CRACR2A: variants seen among roughly 807,000 people sequenced by gnomAD.
The protein encoded by CRACR2A is calcium release activated channel regulator 2A.
CRACR2A carries 79 observed loss-of-function variants against 90.5 expected under a neutral mutation model. That is an observed-to-expected ratio of 0.87 (90% CI 0.73 to 1.05). The LOEUF (loss-of-function observed/expected upper bound fraction) is 1.05, where lower values mean the gene tolerates loss of function less well. Among genes scored for constraint, CRACR2A ranks in the 50% least tolerant of loss-of-function variants. The pLI is 0.00. For missense variants in CRACR2A, 823 were observed against 897.2 expected (o/e 0.92, Z 1.06); for synonymous variants, 338 against 356.7 (o/e 0.95, Z 0.59).
At chr12:3,623,782 G>A (rs1944201536) in intron 17 of CRACR2A, among the ~76,000 whole-genome samples, 1 of 152,188 alleles carries the variant, frequency 6.6e-6, no homozygotes, top group Non-Finnish European at 1.5e-5. Flanking sequence ...AAGTTGCCTA[G>A]ACTGGGTGAA....
At position 3,641,757 on chromosome 12, in the gene CRACR2A, C is replaced by T. The variant is rs1341798455; in HGVS notation, c.1246G>A (p.Val416Met). The T allele has an allele frequency of 6.4e-7, 1 of 1,551,710 alleles. No homozygotes were observed. Among genetic ancestry groups the T allele is most frequent in the East Asian group, 2.4e-5 (1 of 40,914 alleles). The change falls in exon 13 of 20, where the codon GTG becomes ATG. Residue 416 changes from valine to methionine, a missense_variant. By Grantham distance (21) the Val-to-Met change is conservative. Transcript: ENST00000440314. ...CTCCTAAGAATCCCTCTGCTGTCCA[C>T]ATATTTGCCTATCACAGAGCCAGAT... is the stretch of plus-strand genomic sequence containing the variant. ...KRSGSVIGKY[V>M]DSRGILRSQS... is the part of the protein sequence containing the mutation.
Position 3,654,222 on chromosome 12 carries a change from C to T in CRACR2A, c.1036G>A (p.Glu346Lys). 6.2e-7 allele frequency: 1 copy of T among 1,612,460 alleles called. No homozygotes were observed. The highest frequency in any genetic ancestry group is 8.5e-7 in the Non-Finnish European group (1 of 1,179,510). The change falls in exon 10 of 20, where the codon GAG becomes AAG. Residue 346 changes from glutamate (E) to lysine (K), a missense_variant. By Grantham distance (56) the Glu-to-Lys change is moderately conservative (BLOSUM62 1). Coordinates refer to ENST00000440314, the MANE Select transcript of CRACR2A (RefSeq NM_001144958.2). ...AAAGGCTGGACTCACATCTCCTTCT[C>T]TTGGTGGAGTTTGCAGGCCTCTTGC... ...LQQEACKLHQ[E>K]KEMEVYRVTE...
At chr12:3,666,358 T>TGTGTGTGC (rs758896769) in intron 7 of CRACR2A, among the ~76,000 whole-genome samples, 24,370 of 148,264 alleles carry the variant, frequency 0.16, 2,309 homozygotes, top group East Asian at 0.36. Flanking sequence ...TGTGTGTGCG[T>TGTGTGTGC]GCGTGTGCGC....
intron 15 of CRACR2A, among the ~76,000 whole-genome samples, chr12:3,631,868 G>C (rs1484489195): frequency 6.6e-6 from 1 of 152,214 alleles, no homozygotes; most frequent in East Asian, 1.9e-4. Context: ...ACCACTCAAA[G>C]TTGGTCTTGT....
chr12:3,648,853 T>C (rs1289288466), intron 10 of CRACR2A, among the ~76,000 whole-genome samples: 1 of 152,162 alleles, frequency 6.6e-6, no homozygotes, highest in Non-Finnish European at 1.5e-5. Context: ...CTGCTAAGTC[T>C]TTCCAGTTCA....
Position 3,633,450 on chromosome 12 carries a change from C to A in CRACR2A, c.1735+154G>T, listed in dbSNP as rs1277878023. ...GGTGGCTTCATCTTGCCCCTCCCAG[C>A]CTGTCTGTTGAACAGAGCAGACACC... is the stretch of plus-strand genomic sequence containing the variant. On this transcript the variant is annotated intron_variant, in intron 15 of 19. Coordinates refer to ENST00000440314, the MANE Select transcript of CRACR2A (RefSeq NM_001144958.2). The surrounding 1 kb of genome is among the most constrained non-coding windows in gnomAD (Gnocchi z 4.5). Among the ~76,000 whole-genome samples, 1 of 152,150 alleles carries A rather than the reference C, an allele frequency of 6.6e-6. No individual in the cohort carries two copies. Among genetic ancestry groups the A allele is most frequent in the Non-Finnish European group, 1.5e-5 (1 of 68,022 alleles).
intron 3 of CRACR2A, among the ~76,000 whole-genome samples, chr12:3,703,060 A>T (rs1387795797): frequency 6.6e-6 from 1 of 152,206 alleles, no homozygotes; most frequent in African/African-American, 2.4e-5. Context: ...CCAACAAATG[A>T]TACTGAAACA....
At chr12:3,661,049 T>C (rs542535569) in intron 7 of CRACR2A, among the ~76,000 whole-genome samples, 3 of 152,174 alleles carry the variant, frequency 2.0e-5, no homozygotes, top group African/African-American at 7.2e-5. Context: ...TTTATTCCCC[T>C]GAGCCCTCCA....
chr12:3,635,704 C>A (rs934962050), intron 14 of CRACR2A, among the ~76,000 whole-genome samples: 5 of 152,062 alleles, frequency 3.3e-5, no homozygotes, highest in African/African-American at 1.2e-4. Flanking sequence ...CTGGGTCTTC[C>A]CATGTTGCTT....
rs2137921717 is a variant in CRACR2A at position 3,746,399 on chromosome 12, C to T, written c.-387+6616G>A. On this transcript the variant is annotated intron_variant, in intron 1 of 19. Transcript: ENST00000440314. This position sits in a 1 kb window ranked among gnomAD's most constrained non-coding sequence, Gnocchi z 4.4. The stretch of plus-strand genomic sequence containing the variant: ...CCCATCTCTCTCTCCTCCCTCTTCC[C>T]CACCCTTCCTCCACCCTCCCTCTCC... 6.6e-6 allele frequency among the ~76,000 whole-genome samples: 1 copy of T among 151,856 alleles called. No individual in the cohort carries two copies. The highest frequency in any genetic ancestry group is 2.4e-5 in the African/African-American group (1 of 41,406).
rs758896769 is a variant in CRACR2A, at chr12:3,666,358, T to TGTGTGC, written c.672-6705_672-6704insGCACAC. 4.5e-3 allele frequency among the ~76,000 whole-genome samples: 665 copies of TGTGTGC among 148,508 alleles called. 6 individuals are homozygous for TGTGTGC. Among genetic ancestry groups the TGTGTGC allele is most frequent in the South Asian group, 0.034 (162 of 4,700 alleles). ...GTGTGTGTGTGTGTGTGTGTGTGCG[T>TGTGTGC]GCGTGTGCGCGTGCGCGCGCACGCG... is the stretch of plus-strand genomic sequence containing the variant. On this transcript the variant is annotated intron_variant, in intron 7 of 19. Coordinates refer to ENST00000440314, the MANE Select transcript of CRACR2A (RefSeq NM_001144958.2).
At chr12:3,725,309 C>G (rs1427591005) in intron 2 of CRACR2A, among the ~76,000 whole-genome samples, 1 of 152,232 alleles carries the variant, frequency 6.6e-6, no homozygotes, top group Non-Finnish European at 1.5e-5. Flanking sequence ...GACTGCGGCG[C>G]TGTGTCCCCT....
intron 4 of CRACR2A, among the ~76,000 whole-genome samples, chr12:3,685,995 C>A (rs963968510): frequency 6.6e-6 from 1 of 152,154 alleles, no homozygotes; most frequent in African/African-American, 2.4e-5. Flanking sequence ...TTTCCAGGTC[C>A]CAGTCTCAGG....
intron 17 of CRACR2A, among the ~76,000 whole-genome samples, chr12:3,620,232 TGTG>T (rs1944106595): frequency 1.3e-5 from 2 of 152,230 alleles, no homozygotes. Context: ...AGTGAGTAAA[TGTG>T]GTAATGTGCA....
At chr12:3,743,420 G>A (rs528722960) in intron 1 of CRACR2A, among the ~76,000 whole-genome samples, 39 of 152,262 alleles carry the variant, frequency 2.6e-4, no homozygotes, top group African/African-American at 7.7e-4. Context: ...CGGCGTCGGC[G>A]GCTTCTGCCT....
intron 8 of CRACR2A, among the ~76,000 whole-genome samples, chr12:3,659,051 G>A (rs1015278263): frequency 6.6e-6 from 1 of 152,156 alleles, no homozygotes; most frequent in African/African-American, 2.4e-5. Flanking sequence ...TGTGTCTAAG[G>A]GTAAAGGATA....
chr12:3,693,094 C>T (rs890626921), intron 4 of CRACR2A, among the ~76,000 whole-genome samples: 1 of 152,146 alleles, frequency 6.6e-6, no homozygotes, highest in African/African-American at 2.4e-5. Context: ...TGCACACGTG[C>T]GTGCTGGCAG....
intron 4 of CRACR2A, among the ~76,000 whole-genome samples, chr12:3,693,289 C>A (rs1052004368): frequency 6.6e-6 from 1 of 152,202 alleles, no homozygotes; most frequent in African/African-American, 2.4e-5. Context: ...AGCTATGATG[C>A]GGGCCCCCAG....
At chr12:3,731,402 G>A (rs1393071001) in intron 2 of CRACR2A, 2 of 152,360 alleles carry the variant, frequency 1.3e-5, no homozygotes, top group Admixed American at 1.3e-4. Context: ...GAGAGCGATA[G>A]GTGAGTGCAG....
Sources: allele counts gnomAD v4.1 joint callset (sites outside exome capture counted in the v4.1 genomes callset), GRCh38; gene constraint gnomAD v4.1.1; non-coding constraint Gnocchi (gnomAD v3.1); transcripts MANE v1.5; gene names NCBI Gene and HGNC (gene_info 2026-07-23, HGNC 2026-07-21).